The following CLDN16 variants were observed in gnomAD, a reference collection of about 807,000 sequenced individuals.
CLDN16 encodes the protein claudin-16.
In CLDN16, 13 loss-of-function variants were observed where a neutral mutation model predicts 24.6. That is an observed-to-expected ratio of 0.53 (90% confidence interval 0.34 to 0.84). The LOEUF is 0.84. CLDN16 is among the 40% of genes least tolerant of loss of function. The probability of loss-of-function intolerance (pLI) is 0.01; values close to 1 mark genes in which losing one functional copy is unlikely to be tolerated. For synonymous variants in CLDN16, 116 were observed against 106.7 expected (o/e 1.09, Z -0.54); for missense variants, 298 against 292.7 (o/e 1.02, Z -0.13).
At chr3:190,305,281 T>TC in the CLDN16 span, among the ~76,000 whole-genome samples, 2 of 152,194 alleles carry the variant, frequency 1.3e-5, no homozygotes. Flanking sequence ...GTGAATGAGT[T>TC]CCATCACATC....
chr3:190,389,614 C>A (rs2108659176), intron 1 of CLDN16, among the ~76,000 whole-genome samples: 1 of 152,228 alleles, frequency 6.6e-6, no homozygotes, highest in Middle Eastern at 3.4e-3. Flanking sequence ...TAGAAAATTA[C>A]ATTTCCAAAA....
At chr3:190,366,380 G>A (rs1038475771) in intron 1 of CLDN16, among the ~76,000 whole-genome samples, 3 of 151,850 alleles carry the variant, frequency 2.0e-5, no homozygotes, top group African/African-American at 4.8e-5. Flanking sequence ...CTACTCCACT[G>A]ACAGGGTCTT....
intron 1 of CLDN16, among the ~76,000 whole-genome samples, chr3:190,397,679 A>G (rs1718855539): frequency 6.6e-6 from 1 of 152,172 alleles, no homozygotes; most frequent in Non-Finnish European, 1.5e-5. Flanking sequence ...ATTAACACAG[A>G]AGTTTAGTTA....
At chr3:190,374,530 CTGAACTCGT>C (rs1718208636) in exon 3 of CLDN16, 1 of 151,910 alleles carries the variant, frequency 6.6e-6, no homozygotes, top group African/African-American at 2.4e-5. Context: ...CTCTGCAGGA[CTGAACTCGT>C]TGTTGGCCAC....
At position 190,336,255 on chromosome 3, in the gene CLDN16, A is replaced by C. The variant is rs192406415; in HGVS notation, n.121+13594A>C. On this transcript the variant is annotated intron_variant and non_coding_transcript_variant, in intron 1 of 4. Transcript: ENST00000468220. ...TAGGCCTTAGTTGTGACAAGAGCAA[A>C]ACTTCAGAAAAGCCTAAATTCATGC... Among the ~76,000 whole-genome samples the C allele has an allele frequency of 4.3e-4, 66 of 152,272 alleles. 2 individuals carry two copies. In the East Asian group the frequency reaches 0.013, roughly 29 times the overall value.
intron 1 of CLDN16, among the ~76,000 whole-genome samples, chr3:190,365,965 C>CT (rs2108644547): frequency 6.6e-6 from 1 of 151,958 alleles, no homozygotes; most frequent in Admixed American, 6.6e-5. Flanking sequence ...GAGCACTAGT[C>CT]TTTAACTTGA....
rs545690608 is a variant in CLDN16 at position 190,408,743 on chromosome 3, T to C, written c.574+238T>C. On this transcript the variant is annotated intron_variant, in intron 4 of 4. Transcript: ENST00000264734. ...TACAAGCATGTCCAATATTCAAATGTATAATAGTTATCTTGATGTATTACA... is the reference window on the plus strand; with the variant it reads ...TACAAGCATGTCCAATATTCAAATGCATAATAGTTATCTTGATGTATTACA... Among the ~76,000 whole-genome samples, 8 of 150,390 alleles carry C rather than the reference T, an allele frequency of 5.3e-5. No homozygotes were observed. In the South Asian group the frequency reaches 1.7e-3, roughly 31 times the overall value.
intron 1 of CLDN16, among the ~76,000 whole-genome samples, chr3:190,394,012 C>G (rs1718752831): frequency 6.6e-6 from 1 of 152,122 alleles, no homozygotes; most frequent in African/African-American, 2.4e-5. Flanking sequence ...CTCATCCTCC[C>G]AAAGTGCTGG....
chr3:190,345,741 A>T (rs547186994), intron 1 of CLDN16, among the ~76,000 whole-genome samples: 2 of 152,282 alleles, frequency 1.3e-5, no homozygotes, highest in East Asian at 3.9e-4. Context: ...GGAAGAGGCT[A>T]AAATAAACAC....
the CLDN16 span, chr3:190,313,256 C>A: frequency 3.6e-6 from 2 of 555,004 alleles, no homozygotes; most frequent in South Asian, 4.4e-5. Flanking sequence ...GATCCCTCCA[C>A]TCCAATATTT....
intron 1 of CLDN16, among the ~76,000 whole-genome samples, chr3:190,365,333 T>C (rs1717997519): frequency 6.6e-6 from 1 of 151,702 alleles, no homozygotes; most frequent in East Asian, 2.0e-4. Flanking sequence ...TCTTTTCAGC[T>C]ATTCTGATGC....
the CLDN16 span, among the ~76,000 whole-genome samples, chr3:190,295,866 G>A: frequency 6.6e-6 from 1 of 152,212 alleles, no homozygotes; most frequent in East Asian, 1.9e-4. Context: ...CACTCTACGT[G>A]GGGCTGGATC....
upstream of CLDN16, among the ~76,000 whole-genome samples, chr3:190,319,427 C>T (rs776513231): frequency 4.6e-5 from 7 of 152,090 alleles, no homozygotes; most frequent in South Asian, 2.1e-4. Context: ...TTTCATAAAC[C>T]GCTTGGCAAG....
chr3:190,360,998 T>C (rs1335964780), intron 1 of CLDN16, among the ~76,000 whole-genome samples: 3 of 152,056 alleles, frequency 2.0e-5, no homozygotes, highest in African/African-American at 7.2e-5. Context: ...TAAAATTATT[T>C]TTTAAGAATT....
upstream of CLDN16, among the ~76,000 whole-genome samples, chr3:190,387,675 T>G (rs1206614998): frequency 6.6e-6 from 1 of 152,122 alleles, no homozygotes; most frequent in African/African-American, 2.4e-5. Flanking sequence ...TGCTGAAAGG[T>G]TAGGAGCCTT....
intron 1 of CLDN16, among the ~76,000 whole-genome samples, chr3:190,401,579 T>TA (rs2108669623): frequency 6.6e-6 from 1 of 152,290 alleles, no homozygotes; most frequent in East Asian, 1.9e-4. Flanking sequence ...GGTTTGTAGA[T>TA]AAAGTATGAG....
intron 1 of CLDN16, among the ~76,000 whole-genome samples, chr3:190,364,439 G>T (rs1414831905): frequency 6.6e-6 from 1 of 151,922 alleles, no homozygotes. Context: ...CATAGCTCAT[G>T]ATGAGCTGCT....
the CLDN16 span, among the ~76,000 whole-genome samples, chr3:190,301,433 T>C: frequency 2.0e-5 from 3 of 151,786 alleles, no homozygotes; most frequent in African/African-American, 7.3e-5. Context: ...AGGTGGAGGT[T>C]GCAGTGAGCC....
chr3:190,408,179 G>A (rs1205345370), intron 3 of CLDN16, 135 bp from the exon 4 acceptor site: 10 of 838,386 alleles, frequency 1.2e-5, no homozygotes, highest in South Asian at 1.4e-5. Context: ...TCCGAAGTTC[G>A]GGTTGCCCAT....
Sources: allele counts gnomAD v4.1 joint callset (sites outside exome capture counted in the v4.1 genomes callset), GRCh38; gene constraint gnomAD v4.1.1; transcripts MANE v1.5; gene names NCBI Gene and HGNC (gene_info 2026-07-23, HGNC 2026-07-21).